Variants in CEP112 observed in about 807,000 individuals in gnomAD.
CEP112 encodes centrosomal protein of 112 kDa.
CEP112 carries 127 observed loss-of-function variants against 153.0 expected under a neutral mutation model. The ratio of observed to expected loss-of-function variants is 0.83; its 90% CI spans 0.72 to 0.96. The LOEUF (loss-of-function observed/expected upper bound fraction) is 0.96. Ranked by LOEUF, CEP112 falls within the 40% of genes least tolerant of loss-of-function variation. The pLI is 0.00. For missense variants in CEP112, 1,089 were observed against 1,101.2 expected (o/e 0.99, Z 0.16); for synonymous variants, 358 against 374.4 (o/e 0.96, Z 0.51).
At chr17:66,022,537 C>T (rs10853070) in intron 16 of CEP112, among the ~76,000 whole-genome samples, 62,235 of 151,324 alleles carry the variant, frequency 0.41, 14,247 homozygotes, top group East Asian at 0.87. Flanking sequence ...TGAAACCCGT[C>T]TCTACTAAAA....
At chr17:65,968,603 A>T (rs776414808) in intron 17 of CEP112, among the ~76,000 whole-genome samples, 6 of 152,222 alleles carry the variant, frequency 3.9e-5, no homozygotes, top group Non-Finnish European at 7.3e-5. Context: ...GAAATGATGA[A>T]GCAGAGTGAA....
intron 21 of CEP112, among the ~76,000 whole-genome samples, chr17:65,786,572 C>CTTTTTTTTTTTTT (rs1195368604): frequency 7.2e-4 from 73 of 101,578 alleles, no homozygotes; most frequent in Non-Finnish European, 9.2e-4. Flanking sequence ...TTAGCCAATT[C>CTTTTTTTTTTTTT]TTTTTTTTTT....
chr17:66,088,013 CCAGTAGATTT>C (rs2068005103), intron 8 of CEP112, among the ~76,000 whole-genome samples: 15 of 151,626 alleles, frequency 9.9e-5, no homozygotes, highest in Non-Finnish European at 8.8e-5. Context: ...CCAGACTGGC[CCAGTAGATTT>C]AGTCCCTGGG....
At chr17:66,058,670 T>G (rs749631460) in intron 11 of CEP112, among the ~76,000 whole-genome samples, 3 of 151,810 alleles carry the variant, frequency 2.0e-5, no homozygotes. Flanking sequence ...GGCAACATAG[T>G]GAGACCCCAC....
intron 24 of CEP112, among the ~76,000 whole-genome samples, chr17:65,653,241 G>A (rs1334658068): frequency 2.6e-5 from 4 of 152,186 alleles, no homozygotes; most frequent in Admixed American, 2.0e-4. Context: ...TCCACAGGTG[G>A]GGAACCATTG....
intron 17 of CEP112, among the ~76,000 whole-genome samples, chr17:65,969,571 ACAC>A (rs2062563489): frequency 7.5e-6 from 1 of 133,112 alleles, no homozygotes; most frequent in Non-Finnish European, 1.6e-5. Context: ...TGTATATTAC[ACAC>A]AAGTATACAC....
chr17:65,684,338 C>G (rs1329317431), intron 24 of CEP112, among the ~76,000 whole-genome samples: 1 of 152,016 alleles, frequency 6.6e-6, no homozygotes, highest in Non-Finnish European at 1.5e-5. Context: ...AATAAAATAT[C>G]CTTCTGGGAA....
At chr17:65,955,033 A>G (rs1006936082) in intron 18 of CEP112, among the ~76,000 whole-genome samples, 4 of 152,218 alleles carry the variant, frequency 2.6e-5, no homozygotes, top group Admixed American at 1.3e-4. Flanking sequence ...AATTCATCAC[A>G]AAAAGATCAT....
intron 17 of CEP112, among the ~76,000 whole-genome samples, chr17:65,989,149 G>T (rs1364768161): frequency 6.6e-6 from 1 of 150,944 alleles, no homozygotes; most frequent in Non-Finnish European, 1.5e-5. Context: ...GCAGAAGAAT[G>T]GCATGAACCC....
intron 21 of CEP112, among the ~76,000 whole-genome samples, chr17:65,821,053 C>G (rs2056505342): frequency 6.6e-6 from 1 of 151,622 alleles, no homozygotes; most frequent in African/African-American, 2.4e-5. Context: ...AGCCAAAACT[C>G]ACATCTGCAC....
At chr17:66,077,723 T>C (rs1005188816) in intron 8 of CEP112, among the ~76,000 whole-genome samples, 4 of 152,158 alleles carry the variant, frequency 2.6e-5, no homozygotes, top group Non-Finnish European at 5.9e-5. Context: ...ACTTGGGAAA[T>C]TAATCACAAA....
chr17:65,870,014 TAAGAAAGAAAGAAAGAAAGA>T (rs754013580), intron 20 of CEP112, among the ~76,000 whole-genome samples: 47 of 44,614 alleles, frequency 1.1e-3, no homozygotes, highest in Admixed American at 2.3e-3. Context: ...AGGTAGAGAA[TAAGAAAGAAAGAAAGAAAGA>T]AAGAAAGAAA....
intron 20 of CEP112, among the ~76,000 whole-genome samples, chr17:65,896,796 G>A (rs899150823): frequency 2.0e-5 from 3 of 151,980 alleles, no homozygotes; most frequent in African/African-American, 7.2e-5. Context: ...TATACAGAAA[G>A]TTCCTGGGCT....
At chr17:65,824,553 G>A (rs1164582438) in intron 21 of CEP112, among the ~76,000 whole-genome samples, 1 of 152,196 alleles carries the variant, frequency 6.6e-6, no homozygotes, top group Non-Finnish European at 1.5e-5. Flanking sequence ...AGGAATAAAT[G>A]AAGAGTTAGA....
intron 21 of CEP112, among the ~76,000 whole-genome samples, chr17:65,812,264 A>G (rs1049228472): frequency 6.6e-6 from 1 of 152,208 alleles, no homozygotes; most frequent in African/African-American, 2.4e-5. Context: ...CGGCCTCCCA[A>G]AGTGCTGGGA....
intron 8 of CEP112, among the ~76,000 whole-genome samples, chr17:66,077,429 T>C (rs931889185): frequency 1.3e-4 from 20 of 152,082 alleles, no homozygotes; most frequent in Admixed American, 1.1e-3. Context: ...GTCTCAGCAA[T>C]AGAATAGAAT....
rs115562565 is a variant in CEP112 at position 65,661,142 on chromosome 17, C to T, written c.2698-20077G>A. Reference sequence around the variant, plus strand: ...CCAAAAGTCCCATGTCATGTTGTGACTCATGCCTTTGCACATGCTGTTTTG... The same window carrying T: ...CCAAAAGTCCCATGTCATGTTGTGATTCATGCCTTTGCACATGCTGTTTTG... On this transcript the variant is annotated intron_variant, in intron 24 of 26. Coordinates refer to ENST00000535342, the MANE Select transcript of CEP112 (RefSeq NM_001199165.4). Among the ~76,000 whole-genome samples, 447 of 152,290 alleles carry T rather than the reference C, an allele frequency of 2.9e-3. 3 individuals carry two copies. The highest frequency in any genetic ancestry group is 9.9e-3 in the African/African-American group (410 of 41,562).
rs550941654 is a variant in CEP112, at chr17:65,937,572, G to C, written c.1873-9883C>G. Among the ~76,000 whole-genome samples, 158 of 106,354 alleles carry C rather than the reference G, an allele frequency of 1.5e-3. 24 individuals are homozygous for C. Among genetic ancestry groups the C allele is most frequent in the Admixed American group, 3.1e-3 (28 of 8,930 alleles). The allele number at this position is 106,354 out of a possible 152,430, so 69.8% of individuals were successfully genotyped here. On this transcript the variant is annotated intron_variant, in intron 18 of 26. Coordinates refer to ENST00000535342, the MANE Select transcript of CEP112 (RefSeq NM_001199165.4). ...GCCCCGTCCGGGAGGGAGGTGGGGG[G>C]GGTCAGCCCCCCACCCGGCCAGCCG...
At chr17:65,678,398 T>C (rs2047340760) in intron 24 of CEP112, among the ~76,000 whole-genome samples, 1 of 152,218 alleles carries the variant, frequency 6.6e-6, no homozygotes, top group Admixed American at 6.5e-5. Flanking sequence ...TTTAAGTTTC[T>C]TCTATTTTAT....
Sources: allele counts gnomAD v4.1 joint callset (sites outside exome capture counted in the v4.1 genomes callset), GRCh38; gene constraint gnomAD v4.1.1; transcripts MANE v1.5; gene names NCBI Gene and HGNC (gene_info 2026-07-23, HGNC 2026-07-21).